The following TTLL7 variants were observed in gnomAD, a reference collection of about 807,000 sequenced individuals.
TTLL7 encodes the protein tubulin tyrosine ligase like 7, also known as tubulin polyglutamylase TTLL7.
In TTLL7, 53 loss-of-function variants were observed where a neutral mutation model predicts 120.2. The ratio of observed to expected loss-of-function variants is 0.44; its 90% CI spans 0.35 to 0.55. The LOEUF is 0.55. TTLL7 is among the 20% of genes least tolerant of loss of function. The pLI is 0.00. For missense variants in TTLL7, 803 were observed against 1,054.7 expected (o/e 0.76, Z 3.31); for synonymous variants, 353 against 351.7 (o/e 1.00, Z -0.04).
intron 18 of TTLL7, among the ~76,000 whole-genome samples, chr1:83,896,954 T>C (rs1327179876): frequency 6.6e-6 from 1 of 152,136 alleles, no homozygotes; most frequent in Non-Finnish European, 1.5e-5. Context: ...AGCTAAATTA[T>C]GCAAGTATGG....
intron 19 of TTLL7, among the ~76,000 whole-genome samples, chr1:83,883,353 G>T (rs1043012305): frequency 6.6e-6 from 1 of 151,986 alleles, no homozygotes; most frequent in East Asian, 1.9e-4. Context: ...CTATTTGTCC[G>T]TGTGTGTGTT....
chr1:83,929,908 A>AG (rs1344190721), intron 9 of TTLL7, among the ~76,000 whole-genome samples: 1 of 152,182 alleles, frequency 6.6e-6, no homozygotes, highest in Non-Finnish European at 1.5e-5. Context: ...CTAATCCCTT[A>AG]GGCTATCTCA....
chr1:83,904,210 TA>T (rs781162547), intron 17 of TTLL7, 51 bp from the exon 18 acceptor site: 1 of 1,408,564 alleles, frequency 7.1e-7, no homozygotes, highest in Non-Finnish European at 9.9e-7. Flanking sequence ...ACCCATTTTT[TA>T]AATTAATTTG....
rs1208197611 is a variant in TTLL7, at chr1:83,868,377, T to C, written c.*1585A>G. On this transcript the variant is annotated 3_prime_UTR_variant, in exon 21 of 21. Transcript: ENST00000260505. ...GATTTCAATGTCAAAGTAGTACGGC[T>C]TATATTTTTATGGAAAACTGAAAGC... 1 of 152,224 alleles carries C rather than the reference T, an allele frequency of 6.6e-6. No individual in the cohort carries two copies. Among genetic ancestry groups the C allele is most frequent in the Non-Finnish European group, 1.5e-5 (1 of 68,034 alleles). The allele number at this position is 152,224 out of a possible 1,614,324, so 9.4% of individuals were successfully genotyped here. A position where few individuals can be genotyped will look rare whatever the true frequency, so the allele number is the denominator to read the frequency against.
intron 1 of TTLL7, among the ~76,000 whole-genome samples, chr1:83,972,852 T>C (rs951148732): frequency 3.3e-5 from 5 of 152,136 alleles, no homozygotes; most frequent in Non-Finnish European, 5.9e-5. Context: ...TATATGCTTA[T>C]TGCCATCTCT....
At chr1:83,980,603 T>G (rs530142565) in intron 1 of TTLL7, 1 of 152,252 alleles carries the variant, frequency 6.6e-6, no homozygotes, top group Admixed American at 6.5e-5. Context: ...CTAAGAAAAT[T>G]TGATACTACC....
At chr1:83,904,924 T>G (rs1657053566) in intron 17 of TTLL7, among the ~76,000 whole-genome samples, 1 of 152,142 alleles carries the variant, frequency 6.6e-6, no homozygotes, top group African/African-American at 2.4e-5. Flanking sequence ...AATAAACAAT[T>G]TGATGTCTGC....
At chr1:83,968,903 T>C (rs974333798) in intron 1 of TTLL7, among the ~76,000 whole-genome samples, 4 of 152,032 alleles carry the variant, frequency 2.6e-5, no homozygotes, top group African/African-American at 9.7e-5. Flanking sequence ...CATTCTTACT[T>C]ATCACAATGG....
At chr1:83,900,193 T>C (rs1341232389) in intron 18 of TTLL7, 2 of 442,666 alleles carry the variant, frequency 4.5e-6, no homozygotes, top group Admixed American at 2.5e-5. Context: ...CATCACTAAC[T>C]AGTAAGGAAA....
intron 4 of TTLL7, chr1:83,948,923 CATAG>C (rs1363242795): frequency 8.5e-6 from 3 of 351,154 alleles, no homozygotes; most frequent in African/African-American, 2.1e-5. Context: ...AGAATATCTA[CATAG>C]ATAGTAAAGT....
intron 15 of TTLL7, 88 bp from the exon 16 acceptor site, chr1:83,907,749 A>T: frequency 8.6e-7 from 1 of 1,157,022 alleles, no homozygotes; most frequent in Non-Finnish European, 1.2e-6. Flanking sequence ...TAAAGATTAT[A>T]GCAGCTAGTA....
intron 1 of TTLL7, among the ~76,000 whole-genome samples, chr1:83,965,687 G>T (rs561358101): frequency 2.0e-5 from 3 of 152,132 alleles, no homozygotes; most frequent in South Asian, 2.1e-4. Context: ...TTCTTGAAGG[G>T]AATATACAGT....
Position 83,866,655 on chromosome 1 carries a change from T to C in TTLL7, c.*3307A>G, listed in dbSNP as rs1652937651. 6.6e-6 allele frequency: 1 copy of C among 151,976 alleles called. No individual in the cohort carries two copies. Among genetic ancestry groups the C allele is most frequent in the Non-Finnish European group, 1.5e-5 (1 of 67,836 alleles). 9.4% of individuals were successfully genotyped at this position (151,976 alleles called of 1,614,324 possible). ...ACCGACAACCAAGGACATTCAACTA[T>C]GTTCTAGGCAGAGTTACCATTGCCA... On this transcript the variant is annotated 3_prime_UTR_variant, in exon 21 of 21. Coordinates refer to ENST00000260505, the MANE Select transcript of TTLL7 (RefSeq NM_024686.6).
At chr1:83,951,299 A>G (rs1649028950) in intron 3 of TTLL7, among the ~76,000 whole-genome samples, 1 of 151,792 alleles carries the variant, frequency 6.6e-6, no homozygotes, top group Admixed American at 6.6e-5. Flanking sequence ...CAGTGAGCCG[A>G]GATTGCGCCA....
intron 20 of TTLL7, among the ~76,000 whole-genome samples, chr1:83,871,301 A>G (rs531691553): frequency 6.6e-6 from 1 of 152,272 alleles, no homozygotes; most frequent in South Asian, 2.1e-4. Context: ...TTGCAAGTGA[A>G]AGATTGTGCA....
In TTLL7 at chr1:83,866,628, T is replaced by C. The variant is rs945649660; in HGVS notation, c.*3334A>G. On this transcript the variant is annotated 3_prime_UTR_variant, in exon 21 of 21. Transcript: ENST00000260505. The stretch of plus-strand genomic sequence containing the variant: ...TAAAATTTGTATAGATCTTTGCATC[T>C]TACCGACAACCAAGGACATTCAACT... 2 of 151,926 alleles carry C rather than the reference T, an allele frequency of 1.3e-5. No homozygotes were observed. Among genetic ancestry groups the C allele is most frequent in the Non-Finnish European group, 2.9e-5 (2 of 67,810 alleles). 9.4% of individuals were successfully genotyped at this position (151,926 alleles called of 1,614,324 possible).
In TTLL7 at chr1:83,871,369, A is replaced by G. The variant is rs561893623; in HGVS notation, c.2544-1287T>C. On this transcript the variant is annotated intron_variant, in intron 20 of 20. Transcript: ENST00000260505. The stretch of plus-strand genomic sequence containing the variant: ...GACTAGCATTAGGCCAGTCCAATCT[A>G]TATGTCTAGAGAGAAATGGTCAAGG... 1.4e-4 allele frequency among the ~76,000 whole-genome samples: 22 copies of G among 152,294 alleles called. No individual in the cohort carries two copies. In the South Asian group the frequency reaches 3.3e-3, roughly 23 times the overall value.
chr1:83,979,139 T>C (rs1651748922), intron 1 of TTLL7: 1 of 152,200 alleles, frequency 6.6e-6, no homozygotes, highest in East Asian at 1.9e-4. Context: ...AAAGTTTAAT[T>C]AACGGGAGGC....
intron 5 of TTLL7, among the ~76,000 whole-genome samples, chr1:83,948,139 C>T (rs1648688634): frequency 6.6e-6 from 1 of 151,646 alleles, no homozygotes; most frequent in African/African-American, 2.4e-5. Flanking sequence ...AGTACAATCC[C>T]TGGCACATAT....
Sources: allele counts gnomAD v4.1 joint callset (sites outside exome capture counted in the v4.1 genomes callset), GRCh38; gene constraint gnomAD v4.1.1; transcripts MANE v1.5; gene names NCBI Gene and HGNC (gene_info 2026-07-23, HGNC 2026-07-21).